Variants in MSI2 observed in about 807,000 individuals in gnomAD.
The protein encoded by MSI2 is RNA-binding protein Musashi homolog 2.
In MSI2, 17 loss-of-function variants were observed where a neutral mutation model predicts 45.6. The ratio of observed to expected loss-of-function variants is 0.37; its 90% CI spans 0.26 to 0.56. The LOEUF (loss-of-function observed/expected upper bound fraction) is 0.56. MSI2 is among the 20% of genes least tolerant of loss of function. The pLI, the probability that MSI2 is intolerant of heterozygous loss-of-function variation, is 0.77. For missense variants in MSI2, 293 were observed against 444.2 expected (o/e 0.66, Z 3.06); for synonymous variants, 156 against 158.2 (o/e 0.99, Z 0.11).
intron 5 of MSI2, among the ~76,000 whole-genome samples, chr17:57,316,111 G>A (rs1052254676): frequency 6.6e-6 from 1 of 151,978 alleles, no homozygotes; most frequent in African/African-American, 2.4e-5. Context: ...CATGTCTCTT[G>A]AAATACAACC....
rs144663718 is a variant in MSI2, at chr17:57,367,842, G to A, written c.313-33537G>A. Among the ~76,000 whole-genome samples, 4 of 152,286 alleles carry A rather than the reference G, an allele frequency of 2.6e-5. No individual in the cohort carries two copies. In the South Asian group the frequency reaches 8.3e-4, roughly 32 times the overall value. On this transcript the variant is annotated intron_variant, in intron 5 of 13. Transcript: ENST00000284073. ...GTGTAGAGGTACCATGCTGCCACCA[G>A]GCCATCCCTCTTACAGCTGTGTGGC... is the stretch of plus-strand genomic sequence containing the variant.
chr17:57,345,102 T>A (rs1915499696), intron 5 of MSI2, among the ~76,000 whole-genome samples: 1 of 151,878 alleles, frequency 6.6e-6, no homozygotes, highest in African/African-American at 2.4e-5. Flanking sequence ...GTTCAAGGCT[T>A]GTTTGCATTT....
chr17:57,487,468 C>A (rs546392966), intron 6 of MSI2, among the ~76,000 whole-genome samples: 1 of 152,344 alleles, frequency 6.6e-6, no homozygotes, highest in African/African-American at 2.4e-5. Context: ...GTCCTCATCA[C>A]TCATCCATCA....
chr17:57,460,151 A>G (rs1380040652), intron 6 of MSI2, among the ~76,000 whole-genome samples: 2 of 150,998 alleles, frequency 1.3e-5, no homozygotes, highest in African/African-American at 4.9e-5. Flanking sequence ...AAATAAATAA[A>G]TAAATAAATA....
intron 7 of MSI2, among the ~76,000 whole-genome samples, chr17:57,590,415 C>G (rs756820250): frequency 6.6e-6 from 1 of 152,086 alleles, no homozygotes. Flanking sequence ...TTTCGATCTT[C>G]TTCTTCTGTG....
chr17:57,503,232 C>CATATTTAAGGATGAAGTCTCAATAA (rs1234213066), intron 6 of MSI2, among the ~76,000 whole-genome samples: 1 of 152,196 alleles, frequency 6.6e-6, no homozygotes, highest in African/African-American at 2.4e-5. Context: ...AATAGTGATA[C>CATATTTAAGGATGAAGTCTCAATAA]ATATTTAAGG....
At chr17:57,284,690 T>C (rs538569510) in intron 5 of MSI2, among the ~76,000 whole-genome samples, 152 of 152,234 alleles carry the variant, frequency 1.0e-3, no homozygotes, top group Non-Finnish European at 1.8e-3. Flanking sequence ...GGGACTCTTG[T>C]GTCTCCTAGT....
chr17:57,512,337 T>TTAAGA (rs2086373940), intron 6 of MSI2, among the ~76,000 whole-genome samples: 1 of 152,176 alleles, frequency 6.6e-6, no homozygotes, highest in South Asian at 2.1e-4. Flanking sequence ...TCTTTTTAAG[T>TTAAGA]TAAGGGCTGC....
chr17:57,356,469 T>A (rs116900948), intron 5 of MSI2, among the ~76,000 whole-genome samples: 1 of 152,198 alleles, frequency 6.6e-6, no homozygotes, highest in East Asian at 1.9e-4. Context: ...ATTTTAGATG[T>A]ACAGAGAAGA....
chr17:57,449,923 G>A (rs1241640414), intron 6 of MSI2: 1 of 152,150 alleles, frequency 6.6e-6, no homozygotes, highest in East Asian at 1.9e-4. Flanking sequence ...CTACTCGGGA[G>A]GCTGAGGCAG....
intron 8 of MSI2, 80 bp downstream of exon 8, chr17:57,597,030 C>T: frequency 1.9e-6 from 2 of 1,056,986 alleles, no homozygotes; most frequent in Non-Finnish European, 1.5e-6. Context: ...TGGTCCAGCC[C>T]ATCATCAGGC....
intron 5 of MSI2, among the ~76,000 whole-genome samples, chr17:57,316,143 A>G (rs1001794529): frequency 1.3e-5 from 2 of 151,954 alleles, no homozygotes; most frequent in African/African-American, 4.8e-5. Flanking sequence ...TGTACTGTTA[A>G]CCCAGGGCCA....
At chr17:57,514,148 C>T (rs2086417433) in intron 6 of MSI2, among the ~76,000 whole-genome samples, 1 of 152,080 alleles carries the variant, frequency 6.6e-6, no homozygotes, top group African/African-American at 2.4e-5. Flanking sequence ...GACGTTGGCC[C>T]CTGTACTATT....
intron 5 of MSI2, among the ~76,000 whole-genome samples, chr17:57,351,145 C>A (rs1029199980): frequency 3.3e-5 from 5 of 152,082 alleles, no homozygotes. Context: ...TTCCATTGGC[C>A]AAGCCCAACC....
chr17:57,699,180 AGAGT>A, the MSI2 span, among the ~76,000 whole-genome samples: 79 of 12,398 alleles, frequency 6.4e-3, 2 homozygotes, highest in East Asian at 0.029. Flanking sequence ...AGAGAGAGAG[AGAGT>A]GTGTGTGTGT....
Position 57,286,780 on chromosome 17 carries a change from C to T in MSI2, c.312+24588C>T, listed in dbSNP as rs144126475. On this transcript the variant is annotated intron_variant, in intron 5 of 13. Coordinates refer to ENST00000284073, the MANE Select transcript of MSI2 (RefSeq NM_138962.4). ...CTTCCAGTAAACCCACACCCCCTCC[C>T]CCGCTTATTATTATTTATTTATTTT... 4.7e-3 allele frequency among the ~76,000 whole-genome samples: 723 copies of T among 152,252 alleles called. 5 individuals are homozygous for T. The highest frequency in any genetic ancestry group is 7.2e-3 in the Non-Finnish European group (488 of 68,030).
chr17:57,357,127 A>G (rs1258282008), intron 5 of MSI2, among the ~76,000 whole-genome samples: 1 of 152,022 alleles, frequency 6.6e-6, no homozygotes, highest in Non-Finnish European at 1.5e-5. Context: ...TGAGAAAACA[A>G]AGCAGCTCTG....
At chr17:57,518,005 A>C (rs1425642196) in intron 6 of MSI2, among the ~76,000 whole-genome samples, 2 of 152,108 alleles carry the variant, frequency 1.3e-5, no homozygotes, top group Non-Finnish European at 2.9e-5. Context: ...AGCTTTAATA[A>C]ATATTAGTTT....
chr17:57,493,497 G>T (rs996566858), intron 6 of MSI2, among the ~76,000 whole-genome samples: 1 of 151,916 alleles, frequency 6.6e-6, no homozygotes, highest in African/African-American at 2.4e-5. Context: ...CACTTGCCAT[G>T]GGGTAGTCCT....
Sources: allele counts gnomAD v4.1 joint callset (sites outside exome capture counted in the v4.1 genomes callset), GRCh38; gene constraint gnomAD v4.1.1; transcripts MANE v1.5; gene names NCBI Gene and HGNC (gene_info 2026-07-23, HGNC 2026-07-21).